Variants in LRRC45 observed in about 807,000 individuals in gnomAD.
The protein encoded by LRRC45 is leucine-rich repeat-containing protein 45.
Under a neutral mutation model 85.4 loss-of-function variants are expected in LRRC45, and 73 were observed. The observed-to-expected ratio is 0.85, with a 90% CI of 0.71 to 1.04. The LOEUF (loss-of-function observed/expected upper bound fraction) is 1.04, where lower values mean the gene tolerates loss of function less well. Among genes scored for constraint, LRRC45 ranks in the 50% least tolerant of loss-of-function variants. LRRC45 has a pLI of 0.00. For missense variants in LRRC45, 937 were observed against 883.3 expected, an observed-to-expected ratio of 1.06 and a Z score of -0.77; for synonymous variants, 429 against 386.0, an observed-to-expected ratio of 1.11 and a Z score of -1.31.
chr17:82,023,546 C>T lies in LRRC45; in HGVS notation c.-98C>T, dbSNP rs897934746. ...TCTCCGCCCGGGTCGGCGGAGGCCC[C>T]GTCTCCTGTACCCGGCGCTGGGACT... On this transcript the variant is annotated 5_prime_UTR_variant, in exon 1 of 17. Transcript: ENST00000306688. 9 of 1,141,446 alleles carry T rather than the reference C, an allele frequency of 7.9e-6. No individual in the cohort carries two copies. The highest frequency in any genetic ancestry group is 2.8e-5 in the East Asian group (1 of 36,332). 70.7% of individuals were successfully genotyped at this position (1,141,446 alleles called of 1,614,324 possible).
chr17:82,029,989 C>T lies in LRRC45; in HGVS notation c.1495-76C>T, dbSNP rs950874292. ...AGCCAGTCCTGCAGAGAGGTGGGGT[C>T]GTGCCCGTGCAGACATTCCCTCAGC... On this transcript the variant is annotated intron_variant, in intron 14 of 16. Coordinates refer to ENST00000306688, the MANE Select transcript of LRRC45 (RefSeq NM_144999.4). The T allele has an allele frequency of 4.2e-6, 6 of 1,438,132 alleles. No individual in the cohort carries two copies. In the Admixed American group the frequency reaches 1.3e-4, roughly 30 times the overall value. 89.1% of individuals were successfully genotyped at this position (1,438,132 alleles called of 1,614,324 possible).
intron 6 of LRRC45, 48 bp from the exon 7 acceptor site, chr17:82,027,338 G>T: frequency 6.2e-7 from 1 of 1,607,792 alleles, no homozygotes; most frequent in South Asian, 1.1e-5. Context: ...AGGTCAGGTG[G>T]ACAGGCTGCA....
In LRRC45 at chr17:82,028,156, C is replaced by A; in HGVS notation, c.1047+10C>A. ...CAAGCTGGAGCAGCAGGTGGGTGGGCAGGGCTTGAGAGGGGTGGGCCAAGG... is the reference window on the plus strand; with the variant it reads ...CAAGCTGGAGCAGCAGGTGGGTGGGAAGGGCTTGAGAGGGGTGGGCCAAGG... On this transcript the variant is annotated intron_variant, in intron 9 of 16. Coordinates refer to ENST00000306688, the MANE Select transcript of LRRC45 (RefSeq NM_144999.4). The A allele has an allele frequency of 6.4e-7, 1 of 1,562,302 alleles. No individual in the cohort carries two copies. Among genetic ancestry groups the A allele is most frequent in the Non-Finnish European group, 8.7e-7 (1 of 1,153,830 alleles).
chr17:82,024,807 A>C (rs769835565), intron 3 of LRRC45, 44 bp downstream of exon 3: 6 of 1,550,016 alleles, frequency 3.9e-6, no homozygotes, highest in Non-Finnish European at 1.7e-6. Context: ...TGTGTGGTTG[A>C]GGATTGGCCC....
At chr17:82,029,498 G>C (rs781751041) in intron 13 of LRRC45, 45 bp from the exon 14 acceptor site, 1 of 1,540,480 alleles carries the variant, frequency 6.5e-7, no homozygotes, top group Non-Finnish European at 8.8e-7. Context: ...GAAGGGCCCT[G>C]GGCCAGGGAC....
At chr17:82,024,936 A>C (rs1022359100) in intron 3 of LRRC45, 64 bp from the exon 4 acceptor site, 6 of 1,463,756 alleles carry the variant, frequency 4.1e-6, no homozygotes, top group Non-Finnish European at 5.4e-6. Context: ...ACCCGTCCCC[A>C]AGCCCTGGAC....
Position 82,025,501 on chromosome 17 carries a change from G to C in LRRC45, c.655G>C (p.Ala219Pro), listed in dbSNP as rs1348226915. The change falls in exon 5 of 17, where the codon GCC (alanine) becomes CCC (proline). Residue 219 changes from alanine (A) to proline (P), a missense_variant. Ala to Pro is a conservative substitution (Grantham distance 27). Transcript: ENST00000306688. ...GNNIPGDVLRAVEQAMGHSQD... is the reference protein window; with the variant it reads ...GNNIPGDVLRPVEQAMGHSQD... The stretch of plus-strand genomic sequence containing the variant: ...CAACATCCCTGGAGACGTCCTCAGA[G>C]CCGTGGGTACGGTGCAGGGCTGTGT... The C allele has an allele frequency of 6.2e-7, 1 of 1,604,192 alleles. No individual in the cohort carries two copies. Among genetic ancestry groups the C allele is most frequent in the East Asian group, 2.2e-5 (1 of 44,824 alleles).
At chr17:82,026,819 A>G in intron 5 of LRRC45, 80 bp from the exon 6 acceptor site, 1 of 1,113,970 alleles carries the variant, frequency 9.0e-7, no homozygotes, top group Non-Finnish European at 1.3e-6. Context: ...ACCTCAGGTG[A>G]TCCACCCACC....
rs1287689315 is a variant in LRRC45, at chr17:82,027,303, G to A, written c.775-83G>A. 2.6e-6 allele frequency: 4 copies of A among 1,537,794 alleles called. No homozygotes were observed. In the East Asian group the frequency reaches 9.0e-5, roughly 35 times the overall value. On this transcript the variant is annotated intron_variant, in intron 6 of 16. Transcript: ENST00000306688. Reference sequence around the variant, plus strand: ...CTCCGCTGCCTTGCCACATTGGTGGGCGCTGGCTCTCCTTCCCCCTGAGAA... The same window carrying A: ...CTCCGCTGCCTTGCCACATTGGTGGACGCTGGCTCTCCTTCCCCCTGAGAA...
rs2043355598 is a variant in LRRC45 at position 82,025,022 on chromosome 17, C to G, written c.376C>G (p.Leu126Val). Residue 126 changes from leucine (L) to valine (V), a missense_variant, in exon 4 of 17, where the codon CTG becomes GTG. By Grantham distance (32) the Leu-to-Val change is conservative. Transcript: ENST00000306688. Reference protein sequence around the residue: ...IQSLTLEWNSLGTWDDAFATF... With the variant: ...IQSLTLEWNSVGTWDDAFATF... Reference sequence around the variant, plus strand: ...CAGCCTCACGCTGGAGTGGAACAGCCTGGGCACGTGGGACGATGCCTTCGC... The same window carrying G: ...CAGCCTCACGCTGGAGTGGAACAGCGTGGGCACGTGGGACGATGCCTTCGC... 1.9e-6 allele frequency: 3 copies of G among 1,597,990 alleles called. No homozygotes were observed. Among genetic ancestry groups the G allele is most frequent in the Non-Finnish European group, 2.6e-6 (3 of 1,172,640 alleles).
At position 82,030,682 on chromosome 17, in the gene LRRC45, G is replaced by C. The variant is rs1354784129; in HGVS notation, c.1890G>C (p.Arg630=). 6.8e-7 allele frequency: 1 copy of C among 1,480,284 alleles called. No individual in the cohort carries two copies. Among genetic ancestry groups the C allele is most frequent in the Non-Finnish European group, 9.0e-7 (1 of 1,105,966 alleles). 91.7% of individuals were successfully genotyped at this position (1,480,284 alleles called of 1,614,324 possible). A position where few individuals can be genotyped will look rare whatever the true frequency, so the allele number is the denominator to read the frequency against. The change falls in exon 17 of 17, where the codon CGG becomes CGC. Residue 630 remains arginine, a synonymous_variant. Coordinates refer to ENST00000306688, the MANE Select transcript of LRRC45 (RefSeq NM_144999.4). ...SENASLREKL[R]LREAEIARIR... ...ACGCGTCTCTCCGGGAGAAGCTGCG[G>C]CTCCGGGAGGCGGAGATCGCCCGCA...
chr17:82,030,736 CT>C lies in LRRC45; in HGVS notation c.1946del (p.Phe649SerfsTer15). 6.7e-7 allele frequency: 1 copy of C among 1,489,346 alleles called. No homozygotes were observed. The highest frequency in any genetic ancestry group is 1.3e-5 in the South Asian group (1 of 76,408). The allele number at this position is 1,489,346 out of a possible 1,614,324, so 92.3% of individuals were successfully genotyped here. A position where few individuals can be genotyped will look rare whatever the true frequency, so the allele number is the denominator to read the frequency against. On this transcript the variant is annotated frameshift_variant, in exon 17 of 17. Transcript: ENST00000306688. LOFTEE classifies it high-confidence loss of function. The part of the protein sequence containing the change: ...IRDEEAQRAS[F>X]LQNAVLAYVQ... ...GGGACGAGGAGGCCCAGAGGGCGAG[CT>C]TCCTGCAGAACGCCGTCCTGGCTTA... is the stretch of plus-strand genomic sequence containing the variant.
At chr17:82,024,454 T>A in intron 2 of LRRC45, 115 bp downstream of exon 2, 1 of 1,272,390 alleles carries the variant, frequency 7.9e-7, no homozygotes, top group Non-Finnish European at 1.1e-6. Context: ...AAGCTGTCTG[T>A]GAGTCCCCAG....
Position 82,030,658 on chromosome 17 carries a change from C to G in LRRC45, c.1866C>G (p.Asn622Lys). The G allele has an allele frequency of 7.0e-7, 1 of 1,433,280 alleles. No homozygotes were observed. The allele number at this position is 1,433,280 out of a possible 1,614,324, so 88.8% of individuals were successfully genotyped here. Residue 622 changes from asparagine to lysine, a missense_variant, in exon 17 of 17, where the codon AAC becomes AAG. Physicochemically the swap from Asn to Lys is moderately conservative, Grantham distance 94. Coordinates refer to ENST00000306688, the MANE Select transcript of LRRC45 (RefSeq NM_144999.4). ...REALLDRESE[N>K]ASLREKLRLR... Reference sequence around the variant, plus strand: ...CGCTGCTGGACAGGGAGAGCGAGAACGCGTCTCTCCGGGAGAAGCTGCGGC... The same window carrying G: ...CGCTGCTGGACAGGGAGAGCGAGAAGGCGTCTCTCCGGGAGAAGCTGCGGC...
chr17:82,025,185 C>A lies in LRRC45; in HGVS notation c.532+7C>A. 1.3e-6 allele frequency: 2 copies of A among 1,582,698 alleles called. No individual in the cohort carries two copies. Among genetic ancestry groups the A allele is most frequent in the East Asian group, 2.3e-5 (1 of 44,228 alleles). On this transcript the variant is annotated splice_region_variant and intron_variant, in intron 4 of 16. Transcript: ENST00000306688. ...ACCACCCTCCAGCAGCTGGGTGAGG[C>A]CTCCCAGGCGCCCTCAGGCTCCCTC...
Position 82,024,713 on chromosome 17 carries a change from A to C in LRRC45, c.303A>C (p.Ala101=). Reference sequence around the variant, plus strand: ...CCTAGGGCAACAACCTTCGGGCTGCAGGGGCCGAGGCTCTGGGAAAACTCC... The same window carrying C: ...CCTAGGGCAACAACCTTCGGGCTGCCGGGGCCGAGGCTCTGGGAAAACTCC... ...LDLKGNNLRA[A]GAEALGKLLQ... Residue 101 remains alanine (A), a synonymous_variant, in exon 3 of 17, where the codon GCA becomes GCC. Coordinates refer to ENST00000306688, the MANE Select transcript of LRRC45 (RefSeq NM_144999.4). 2 of 1,575,312 alleles carry C rather than the reference A, an allele frequency of 1.3e-6. No individual in the cohort carries two copies. The highest frequency in any genetic ancestry group is 1.7e-6 in the Non-Finnish European group (2 of 1,164,476).
intron 6 of LRRC45, among the ~76,000 whole-genome samples, 178 bp downstream of exon 6, chr17:82,027,189 T>TC (rs1438856665): frequency 6.6e-6 from 1 of 152,162 alleles, no homozygotes; most frequent in African/African-American, 2.4e-5. Context: ...CAGGTGGACT[T>TC]CCTTGGGGAG....
intron 1 of LRRC45, 93 bp from the exon 2 acceptor site, chr17:82,024,185 C>A: frequency 1.4e-6 from 2 of 1,420,830 alleles, no homozygotes; most frequent in Non-Finnish European, 1.9e-6. Flanking sequence ...GTTGTCCCTT[C>A]CTGGGTCTAG....
chr17:82,025,961 G>A lies in LRRC45; in HGVS notation c.661+454G>A, dbSNP rs1004723326. On this transcript the variant is annotated intron_variant, in intron 5 of 16. Coordinates refer to ENST00000306688, the MANE Select transcript of LRRC45 (RefSeq NM_144999.4). ...CACATTCCCTCCCACCAGCGACCCC[G>A]AATCCTTGCAGCTGATGTCTCAGCC... 5.3e-5 allele frequency among the ~76,000 whole-genome samples: 8 copies of A among 152,208 alleles called. No individual in the cohort carries two copies. In the East Asian group the frequency reaches 1.2e-3, roughly 22 times the overall value.
Sources: allele counts gnomAD v4.1 joint callset (sites outside exome capture counted in the v4.1 genomes callset), GRCh38; gene constraint gnomAD v4.1.1; transcripts MANE v1.5; gene names NCBI Gene and HGNC (gene_info 2026-07-23, HGNC 2026-07-21).